Variants in TMEM150C observed in about 807,000 individuals in gnomAD.
The protein encoded by TMEM150C is transmembrane protein 150C.
Under a neutral mutation model 29.9 loss-of-function variants are expected in TMEM150C, and 10 were observed. The ratio of observed to expected loss-of-function variants is 0.33; its 90% CI spans 0.21 to 0.57. TMEM150C has a LOEUF of 0.57. TMEM150C is among the 20% of genes least tolerant of loss of function. The pLI is 0.88. For synonymous variants in TMEM150C, 101 were observed against 112.5 expected, an observed-to-expected ratio of 0.90 and a Z score of 0.64; for missense variants, 251 against 303.6, an observed-to-expected ratio of 0.83 and a Z score of 1.29.
intron 5 of TMEM150C, chr4:82,496,406 T>C (rs1311361802): frequency 2.0e-6 from 1 of 493,574 alleles, no homozygotes. Flanking sequence ...AAACTTTCCA[T>C]GCAATGCTTA....
intron 7 of TMEM150C, among the ~76,000 whole-genome samples, chr4:82,487,213 C>A (rs941919296): frequency 2.7e-4 from 41 of 152,142 alleles, no homozygotes; most frequent in Admixed American, 2.7e-3. Context: ...CTTTGGGAGG[C>A]CGAGGAGTGT....
chr4:82,562,158 G>A, upstream of TMEM150C: 1 of 1,278,794 alleles, frequency 7.8e-7, no homozygotes, highest in Non-Finnish European at 1.0e-6. Flanking sequence ...GCCCCTAATA[G>A]TCACCCGGGG....
intron 7 of TMEM150C, among the ~76,000 whole-genome samples, chr4:82,486,022 CTCT>C (rs1723148116): frequency 6.6e-6 from 1 of 152,062 alleles, no homozygotes; most frequent in South Asian, 2.1e-4. Context: ...CTTAAATACT[CTCT>C]TATCCAAATA....
chr4:82,556,260 G>A (rs1032030247), intron 1 of TMEM150C, among the ~76,000 whole-genome samples: 16 of 152,196 alleles, frequency 1.1e-4, no homozygotes, highest in African/African-American at 3.4e-4. Flanking sequence ...TTACAGGCGT[G>A]AGCCAACGTG....
Position 82,504,689 on chromosome 4 carries a change from T to C in TMEM150C, c.-10-22A>G, listed in dbSNP as rs1168289110. ...ACCACTGAAATAAAATAAACACGTATTAATAATTAAGGCAAAACATTTACT... is the reference window on the plus strand; with the variant it reads ...ACCACTGAAATAAAATAAACACGTACTAATAATTAAGGCAAAACATTTACT... On this transcript the variant is annotated intron_variant, in intron 1 of 7. Coordinates refer to ENST00000449862, the MANE Select transcript of TMEM150C (RefSeq NM_001080506.3). The C allele has an allele frequency of 1.9e-6, 3 of 1,583,850 alleles. No individual in the cohort carries two copies. In the African/African-American group the frequency reaches 4.0e-5, roughly 21 times the overall value.
chr4:82,560,590 A>T (rs1446717491), intron 1 of TMEM150C, among the ~76,000 whole-genome samples: 1 of 152,228 alleles, frequency 6.6e-6, no homozygotes, highest in Non-Finnish European at 1.5e-5. Flanking sequence ...GATTTGATAC[A>T]TGAGAGCTGA....
rs1185890572 is a variant in TMEM150C at position 82,512,335 on chromosome 4, C to T, written c.-10-7668G>A. On this transcript the variant is annotated intron_variant, in intron 1 of 7. Transcript: ENST00000449862. ...GTGGGAAGAACTGAATCCTTGATAA[C>T]ATCATTAAGACACTACCAAATGCTC... Among the ~76,000 whole-genome samples the T allele has an allele frequency of 2.0e-5, 3 of 152,196 alleles. No individual in the cohort carries two copies. The East Asian group carries it at 5.8e-4, about 29-fold the overall frequency.
intron 1 of TMEM150C, among the ~76,000 whole-genome samples, chr4:82,537,482 G>A (rs1725049986): frequency 6.6e-6 from 1 of 152,182 alleles, no homozygotes; most frequent in Non-Finnish European, 1.5e-5. Context: ...ATAGGTATCA[G>A]GAGGCTTAAA....
chr4:82,498,004 A>G (rs1461187075), intron 5 of TMEM150C, among the ~76,000 whole-genome samples: 1 of 142,118 alleles, frequency 7.0e-6, no homozygotes, highest in Non-Finnish European at 1.5e-5. Context: ...CAAGATACTA[A>G]GACAGCACAC....
chr4:82,528,084 T>C (rs78730455), intron 1 of TMEM150C, among the ~76,000 whole-genome samples: 5,474 of 152,302 alleles, frequency 0.036, 308 homozygotes, highest in African/African-American at 0.12. Flanking sequence ...GGGAGGAGGA[T>C]TCTTAAAGAG....
intron 1 of TMEM150C, among the ~76,000 whole-genome samples, chr4:82,517,759 C>T (rs1724338722): frequency 6.6e-6 from 1 of 152,174 alleles, no homozygotes; most frequent in Admixed American, 6.5e-5. Context: ...TTGCAGATGG[C>T]AGATCATGGG....
intron 6 of TMEM150C, among the ~76,000 whole-genome samples, chr4:82,492,792 CAA>C (rs1192509650): frequency 3.9e-5 from 2 of 51,850 alleles, no homozygotes; most frequent in South Asian, 6.5e-4. Context: ...TCCACTTCTC[CAA>C]AAAAAAAAAA....
At chr4:82,552,125 G>A (rs1156868007) in intron 1 of TMEM150C, among the ~76,000 whole-genome samples, 4 of 152,056 alleles carry the variant, frequency 2.6e-5, no homozygotes, top group South Asian at 2.1e-4. Context: ...CTTCCACCAT[G>A]AGTGGAAACA....
chr4:82,504,898 C>T (rs569598829), intron 1 of TMEM150C, among the ~76,000 whole-genome samples: 10 of 152,120 alleles, frequency 6.6e-5, no homozygotes, highest in African/African-American at 9.6e-5. Flanking sequence ...GGCGTGGTGG[C>T]GGGCGCCTGT....
At chr4:82,523,242 T>C (rs966693068) in intron 1 of TMEM150C, among the ~76,000 whole-genome samples, 2 of 150,296 alleles carry the variant, frequency 1.3e-5, no homozygotes, top group Admixed American at 6.6e-5. Context: ...GGCGGGGGGG[T>C]GCTCCAAAAC....
intron 1 of TMEM150C, among the ~76,000 whole-genome samples, chr4:82,550,960 T>A (rs1329697387): frequency 6.6e-6 from 1 of 152,058 alleles, no homozygotes; most frequent in Non-Finnish European, 1.5e-5. Context: ...TGAGTAGGTA[T>A]GGTTTAGTGG....
At chr4:82,530,544 G>T (rs1377917928) in intron 1 of TMEM150C, among the ~76,000 whole-genome samples, 1 of 152,082 alleles carries the variant, frequency 6.6e-6, no homozygotes, top group Non-Finnish European at 1.5e-5. Flanking sequence ...ATGACAAAGC[G>T]AGACTCTGTC....
chr4:82,537,601 C>T (rs1218637073), intron 1 of TMEM150C, among the ~76,000 whole-genome samples: 1 of 152,176 alleles, frequency 6.6e-6, no homozygotes, highest in East Asian at 1.9e-4. Context: ...ATCCCCATTA[C>T]CTGTGAGTGT....
At chr4:82,530,036 A>G (rs1724785398) in intron 1 of TMEM150C, among the ~76,000 whole-genome samples, 1 of 151,902 alleles carries the variant, frequency 6.6e-6, no homozygotes, top group Non-Finnish European at 1.5e-5. Flanking sequence ...GGGAGGGCTG[A>G]GACACAGGAA....
Sources: gnomAD v4.1 joint callset for allele counts (sites outside exome capture counted in the v4.1 genomes callset) on GRCh38, gnomAD v4.1.1 for gene constraint, MANE v1.5 for transcripts, NCBI Gene and HGNC (gene_info 2026-07-23, HGNC 2026-07-21) for gene names.